TSPAN19: variants seen among roughly 807,000 people sequenced by gnomAD.
The protein encoded by TSPAN19 is tetraspanin 19, also known as tetraspanin-19.
A neutral mutation model predicts 35.1 loss-of-function variants in TSPAN19; 44 were observed. The observed-to-expected ratio is 1.25, with a 90% confidence interval of 0.98 to 1.61. TSPAN19 has a LOEUF of 1.61. TSPAN19 is among the 40% of genes most tolerant of loss of function. The pLI is 0.00. For synonymous variants in TSPAN19, 79 were observed against 92.0 expected, an observed-to-expected ratio of 0.86 and a Z score of 0.81; for missense variants, 290 against 280.0, an observed-to-expected ratio of 1.04 and a Z score of -0.26.
intron 4 of TSPAN19, among the ~76,000 whole-genome samples, chr12:85,026,556 G>C (rs867522895): frequency 5.9e-5 from 9 of 152,088 alleles, no homozygotes; most frequent in African/African-American, 1.9e-4. Flanking sequence ...TAAAATGCCT[G>C]TGCCAGGGTA....
chr12:85,014,572 C>A lies in TSPAN19; in HGVS notation c.679-17G>T, dbSNP rs1876684930. 1.9e-6 allele frequency: 3 copies of A among 1,553,124 alleles called. No homozygotes were observed. The highest frequency in any genetic ancestry group is 1.4e-5 in the African/African-American group (1 of 72,510). On this transcript the variant is annotated splice_polypyrimidine_tract_variant and intron_variant, in intron 8 of 8. Coordinates refer to ENST00000532498, the MANE Select transcript of TSPAN19 (RefSeq NM_001100917.2). Reference sequence around the variant, plus strand: ...TTGGAAAACCTGGAAGAAAAGGGAACAATAAGAGATTAAAATTTAATCAAT... The same window carrying A: ...TTGGAAAACCTGGAAGAAAAGGGAAAAATAAGAGATTAAAATTTAATCAAT...
intron 1 of TSPAN19, among the ~76,000 whole-genome samples, chr12:85,032,461 T>C (rs1398630945): frequency 1.3e-5 from 2 of 152,076 alleles, no homozygotes; most frequent in Non-Finnish European, 2.9e-5. Context: ...TGTTACATGG[T>C]ATAGAAGTCA....
At chr12:85,022,477 G>T (rs1024424290) in intron 5 of TSPAN19, among the ~76,000 whole-genome samples, 1 of 152,090 alleles carries the variant, frequency 6.6e-6, no homozygotes, top group Non-Finnish European at 1.5e-5. Context: ...CGAGGTAAGA[G>T]AACTCTTGAG....
intron 5 of TSPAN19, among the ~76,000 whole-genome samples, chr12:85,022,551 G>A (rs1304061902): frequency 6.6e-6 from 1 of 152,044 alleles, no homozygotes; most frequent in Non-Finnish European, 1.5e-5. Flanking sequence ...AGGTAGGTAG[G>A]TATTAATTAT....
chr12:85,014,708 T>C, intron 8 of TSPAN19, 153 bp from the exon 9 acceptor site: 1 of 525,876 alleles, frequency 1.9e-6, no homozygotes, highest in Non-Finnish European at 3.4e-6. Flanking sequence ...CATACAGTTG[T>C]GAATAGGAAG....
At position 85,023,347 on chromosome 12, in the gene TSPAN19, G is replaced by A; in HGVS notation, c.318C>T (p.Phe106=). 1 of 1,586,704 alleles carries A rather than the reference G, an allele frequency of 6.3e-7. No homozygotes were observed. The highest frequency in any genetic ancestry group is 8.6e-7 in the Non-Finnish European group (1 of 1,165,394). The change falls in exon 5 of 9, where the codon TTC becomes TTT. Residue 106 remains phenylalanine (F), a synonymous_variant. Coordinates refer to ENST00000532498, the MANE Select transcript of TSPAN19 (RefSeq NM_001100917.2). ...TFAVQVVLSA[F]IITKKEEVQQ... Reference sequence around the variant, plus strand: ...ATACCTCCTCTTTCTTTGTGATGATGAATGCTGAAAGTACAACCTGAACAG... The same window carrying A: ...ATACCTCCTCTTTCTTTGTGATGATAAATGCTGAAAGTACAACCTGAACAG...
Position 85,023,326 on chromosome 12 carries a change from C to G in TSPAN19, c.339G>C (p.Glu113Asp). 1 of 1,575,424 alleles carries G rather than the reference C, an allele frequency of 6.3e-7. No homozygotes were observed. The highest frequency in any genetic ancestry group is 8.6e-7 in the Non-Finnish European group (1 of 1,158,788). Residue 113 changes from glutamate (E) to aspartate (D), a missense_variant and splice_region_variant, in exon 5 of 9, where the codon GAG becomes GAC. Glu to Asp is a conservative substitution (Grantham distance 45). Transcript: ENST00000532498. ...ATTGAAAAGGATTTACTTTCCATAC[C>G]TCCTCTTTCTTTGTGATGATGAATG... is the stretch of plus-strand genomic sequence containing the variant. The part of the protein sequence containing the change: ...LSAFIITKKE[E>D]VQQLWHDKID...
Position 85,017,432 on chromosome 12 carries a change from G to T in TSPAN19, c.594+24C>A, listed in dbSNP as rs773527054. On this transcript the variant is annotated intron_variant, in intron 7 of 8. Coordinates refer to ENST00000532498, the MANE Select transcript of TSPAN19 (RefSeq NM_001100917.2). The stretch of plus-strand genomic sequence containing the variant: ...AACAAACAAAATACTATAAATACTT[G>T]TAGAAGCCTAGATTTATCTTTACCT... 4 of 1,588,832 alleles carry T rather than the reference G, an allele frequency of 2.5e-6. No homozygotes were observed. The South Asian group carries it at 4.6e-5, about 18-fold the overall frequency.
Position 85,024,788 on chromosome 12 carries a change from A to C in TSPAN19, c.265-1388T>G, listed in dbSNP as rs1259826951. 3 of 152,176 alleles carry C rather than the reference A, an allele frequency of 2.0e-5. No homozygotes were observed. In the East Asian group the frequency reaches 5.8e-4, roughly 29 times the overall value. The allele number at this position is 152,176 out of a possible 1,614,324, so 9.4% of individuals were successfully genotyped here. On this transcript the variant is annotated intron_variant, in intron 4 of 8. Transcript: ENST00000532498. Reference sequence around the variant, plus strand: ...GAGACTCCACCTCAAAAAAAAAAAAAAAAGATTTAGAATTCATAATAATTT... The same window carrying C: ...GAGACTCCACCTCAAAAAAAAAAAACAAAGATTTAGAATTCATAATAATTT...
In TSPAN19 at chr12:85,017,436, A is replaced by C. The variant is rs1391853281; in HGVS notation, c.594+20T>G. 2.5e-6 allele frequency: 4 copies of C among 1,592,836 alleles called. No individual in the cohort carries two copies. The highest frequency in any genetic ancestry group is 3.4e-6 in the Non-Finnish European group (4 of 1,170,380). ...AACAAAATACTATAAATACTTGTAG[A>C]AGCCTAGATTTATCTTTACCTCAAG... On this transcript the variant is annotated intron_variant, in intron 7 of 8. Transcript: ENST00000532498.
At position 85,023,524 on chromosome 12, in the gene TSPAN19, G is replaced by A; in HGVS notation, c.265-124C>T. 9 of 641,078 alleles carry A rather than the reference G, an allele frequency of 1.4e-5. No homozygotes were observed. In the South Asian group the frequency reaches 2.2e-4, roughly 16 times the overall value. The allele number at this position is 641,078 out of a possible 1,614,324, so 39.7% of individuals were successfully genotyped here. A position where few individuals can be genotyped will look rare whatever the true frequency, so the allele number is the denominator to read the frequency against. ...ATAAAGTATATATGGGTATTGCTGA[G>A]GCTTCCTGCCTTCACAAATATGAAT... On this transcript the variant is annotated intron_variant, in intron 4 of 8. Coordinates refer to ENST00000532498, the MANE Select transcript of TSPAN19 (RefSeq NM_001100917.2).
At chr12:85,024,346 G>A (rs956817930) in intron 4 of TSPAN19, among the ~76,000 whole-genome samples, 17 of 152,150 alleles carry the variant, frequency 1.1e-4, no homozygotes, top group African/African-American at 3.9e-4. Flanking sequence ...AAAGTCCTTA[G>A]AAACAGTATT....
At chr12:85,023,424 T>C in intron 4 of TSPAN19, 24 bp from the exon 5 acceptor site, 1 of 1,515,592 alleles carries the variant, frequency 6.6e-7, no homozygotes, top group Non-Finnish European at 9.0e-7. Context: ...AAAATAGAGA[T>C]GATGACTATG....
At chr12:85,024,093 T>C (rs988625791) in intron 4 of TSPAN19, among the ~76,000 whole-genome samples, 39 of 152,050 alleles carry the variant, frequency 2.6e-4, no homozygotes, top group African/African-American at 9.4e-4. Context: ...GAGGAGAGGG[T>C]AGAGAGAAGC....
rs574897216 is a variant in TSPAN19 at position 85,014,400 on chromosome 12, C to T, written c.*87G>A. ...ATTTGAATACATCTGTTATTTAATA[C>T]AATTCAAAACGTTTTTGGAATAAAA... On this transcript the variant is annotated 3_prime_UTR_variant, in exon 9 of 9. Transcript: ENST00000532498. 3 of 896,396 alleles carry T rather than the reference C, an allele frequency of 3.3e-6. No homozygotes were observed. The African/African-American group carries it at 5.2e-5, about 16-fold the overall frequency. 55.5% of individuals were successfully genotyped at this position (896,396 alleles called of 1,614,324 possible). A position where few individuals can be genotyped will look rare whatever the true frequency, so the allele number is the denominator to read the frequency against.
intron 6 of TSPAN19, among the ~76,000 whole-genome samples, chr12:85,018,174 G>C (rs1474962586): frequency 6.6e-6 from 1 of 151,766 alleles, no homozygotes; most frequent in Non-Finnish European, 1.5e-5. Flanking sequence ...GCTGATTCTG[G>C]AATCCTATCA....
intron 8 of TSPAN19, chr12:85,015,172 T>C (rs1876725760): frequency 6.6e-6 from 1 of 151,976 alleles, no homozygotes; most frequent in East Asian, 1.9e-4. Context: ...AGTATGTATT[T>C]GTTTTAGTGG....
intron 5 of TSPAN19, 147 bp downstream of exon 5, chr12:85,023,179 C>A: frequency 1.5e-6 from 1 of 677,658 alleles, no homozygotes; most frequent in Non-Finnish European, 2.5e-6. Flanking sequence ...TTCCTATACT[C>A]TAGTACTTTT....
chr12:85,019,713 T>A lies in TSPAN19; in HGVS notation c.363A>T (p.Lys121Asn). 6.2e-7 allele frequency: 1 copy of A among 1,607,212 alleles called. No individual in the cohort carries two copies. Among genetic ancestry groups the A allele is most frequent in the South Asian group, 1.1e-5 (1 of 90,314 alleles). The change falls in exon 6 of 9, where the codon AAA becomes AAT. Residue 121 changes from lysine (K) to asparagine (N), a missense_variant. Coordinates refer to ENST00000532498, the MANE Select transcript of TSPAN19 (RefSeq NM_001100917.2). The stretch of plus-strand genomic sequence containing the variant: ...CATACTCAGAAATGACAAAATCAAT[T>A]TTGTCATGCCATAGTTGCTGAACCT... ...KEEVQQLWHD[K>N]IDFVISEYGS... is the part of the protein sequence containing the mutation.
Sources: allele counts gnomAD v4.1 joint callset (sites outside exome capture counted in the v4.1 genomes callset), GRCh38; gene constraint gnomAD v4.1.1; transcripts MANE v1.5; gene names NCBI Gene and HGNC (gene_info 2026-07-23, HGNC 2026-07-21).